The following SLC41A2 variants were observed in gnomAD, a reference collection of about 807,000 sequenced individuals.
SLC41A2 encodes the protein SLC41A1-like 1.
A neutral mutation model predicts 58.3 loss-of-function variants in SLC41A2; 32 were observed. The observed-to-expected ratio is 0.55, with a 90% CI of 0.41 to 0.74. The LOEUF (loss-of-function observed/expected upper bound fraction) is 0.74. Among genes scored for constraint, SLC41A2 ranks in the 30% least tolerant of loss-of-function variants. The pLI is 0.00. For synonymous variants in SLC41A2, 190 were observed against 235.0 expected (o/e 0.81, Z 1.75); for missense variants, 514 against 680.6 (o/e 0.76, Z 2.72).
At chr12:104,875,711 T>C (rs1033542454) in intron 6 of SLC41A2, among the ~76,000 whole-genome samples, 5 of 152,178 alleles carry the variant, frequency 3.3e-5, no homozygotes, top group African/African-American at 1.2e-4. Context: ...GAGGACTGCT[T>C]GAGCCAAGGA....
At chr12:104,807,788 A>G (rs1157102301) in intron 10 of SLC41A2, among the ~76,000 whole-genome samples, 4 of 152,104 alleles carry the variant, frequency 2.6e-5, no homozygotes, top group Admixed American at 6.6e-5. Flanking sequence ...CACGTCCCTT[A>G]TAAGTTGGAT....
intron 5 of SLC41A2, among the ~76,000 whole-genome samples, chr12:104,886,744 T>C (rs1353561248): frequency 6.6e-6 from 1 of 152,012 alleles, no homozygotes; most frequent in Non-Finnish European, 1.5e-5. Context: ...ATATAATGTA[T>C]TTGTGTGTAT....
intron 1 of SLC41A2, among the ~76,000 whole-genome samples, chr12:104,943,804 C>A (rs1014151062): frequency 1.3e-5 from 2 of 151,820 alleles, no homozygotes; most frequent in East Asian, 1.9e-4. Context: ...CCTTTAAACA[C>A]GGGGCTTGCA....
chr12:104,903,135 T>C (rs1443799584), intron 3 of SLC41A2, among the ~76,000 whole-genome samples: 2 of 152,170 alleles, frequency 1.3e-5, no homozygotes, highest in Admixed American at 6.5e-5. Context: ...AATTCTGGAC[T>C]CCAACCACCT....
At chr12:104,809,153 C>T (rs906082158) in intron 10 of SLC41A2, among the ~76,000 whole-genome samples, 11 of 152,204 alleles carry the variant, frequency 7.2e-5, no homozygotes, top group Non-Finnish European at 1.3e-4. Context: ...CTAAATAATT[C>T]AGTGCCTGGC....
At chr12:104,882,087 T>C (rs1337205178) in intron 6 of SLC41A2, among the ~76,000 whole-genome samples, 3 of 152,194 alleles carry the variant, frequency 2.0e-5, no homozygotes, top group Admixed American at 6.5e-5. Flanking sequence ...CTTTGTCTCT[T>C]TTGATTTTTG....
At chr12:104,915,405 G>A (rs182037508) in intron 2 of SLC41A2, among the ~76,000 whole-genome samples, 50 of 152,314 alleles carry the variant, frequency 3.3e-4, no homozygotes, top group African/African-American at 1.2e-3. Flanking sequence ...CATGAGCATG[G>A]AATGTTCTTC....
intron 1 of SLC41A2, among the ~76,000 whole-genome samples, chr12:104,942,036 G>A (rs958833134): frequency 3.3e-5 from 5 of 152,070 alleles, no homozygotes; most frequent in Non-Finnish European, 7.4e-5. Context: ...GGCAAACAAG[G>A]TGAATTAGAG....
At chr12:104,843,759 T>C (rs1362127941) in intron 10 of SLC41A2, among the ~76,000 whole-genome samples, 1 of 152,180 alleles carries the variant, frequency 6.6e-6, no homozygotes, top group African/African-American at 2.4e-5. Context: ...TTGCTTTGTA[T>C]GTATCCCACT....
At chr12:104,917,627 A>G (rs2046386950) in intron 2 of SLC41A2, among the ~76,000 whole-genome samples, 1 of 151,694 alleles carries the variant, frequency 6.6e-6, no homozygotes, top group Non-Finnish European at 1.5e-5. Flanking sequence ...CATATACACC[A>G]TGGAATACTA....
chr12:104,904,730 T>G (rs1001374312), intron 3 of SLC41A2, among the ~76,000 whole-genome samples: 8 of 152,006 alleles, frequency 5.3e-5, no homozygotes, highest in African/African-American at 1.9e-4. Context: ...GCGATGAGTG[T>G]TAACAGCTCT....
chr12:104,860,448 C>T (rs1188184236), intron 8 of SLC41A2, among the ~76,000 whole-genome samples: 6 of 150,280 alleles, frequency 4.0e-5, no homozygotes, highest in African/African-American at 1.2e-4. Flanking sequence ...AGCCGGTAGA[C>T]TGGATTAAAA....
intron 1 of SLC41A2, among the ~76,000 whole-genome samples, chr12:104,935,940 G>A (rs1031467032): frequency 6.6e-6 from 1 of 152,076 alleles, no homozygotes; most frequent in Non-Finnish European, 1.5e-5. Context: ...CTACTCGGGA[G>A]GCTGAACCAT....
chr12:104,934,073 A>C (rs2047171630), intron 1 of SLC41A2, among the ~76,000 whole-genome samples: 1 of 152,216 alleles, frequency 6.6e-6, no homozygotes, highest in Non-Finnish European at 1.5e-5. Context: ...ACTAAAAAAA[A>C]AAAATTGTTT....
intron 10 of SLC41A2, among the ~76,000 whole-genome samples, chr12:104,810,861 A>G (rs1261095680): frequency 6.6e-6 from 1 of 152,220 alleles, no homozygotes; most frequent in African/African-American, 2.4e-5. Flanking sequence ...TCAGGCTCAA[A>G]TTCACAGAGT....
In SLC41A2 at chr12:104,928,622, G is replaced by A. The variant is rs2046943358; in HGVS notation, c.-95C>T. 2 of 643,452 alleles carry A rather than the reference G, an allele frequency of 3.1e-6. No individual in the cohort carries two copies. The highest frequency in any genetic ancestry group is 4.7e-6 in the Non-Finnish European group (2 of 425,800). The allele number at this position is 643,452 out of a possible 1,614,324, so 39.9% of individuals were successfully genotyped here. ...CCGCACAAACACTGGTTTAAATTAA[G>A]TTGTTGACTTCATTGTGTAGAAAAT... On this transcript the variant is annotated 5_prime_UTR_variant, in exon 2 of 11. Transcript: ENST00000258538.
chr12:104,932,494 G>A (rs573857272), intron 1 of SLC41A2, among the ~76,000 whole-genome samples: 57 of 151,868 alleles, frequency 3.8e-4, no homozygotes, highest in African/African-American at 1.2e-3. Flanking sequence ...GCATGATGGC[G>A]TGCACCTGTA....
At chr12:104,808,005 C>A (rs1003506895) in intron 10 of SLC41A2, among the ~76,000 whole-genome samples, 55 of 152,352 alleles carry the variant, frequency 3.6e-4, no homozygotes, top group Non-Finnish European at 6.8e-4. Flanking sequence ...ATCATGTCAT[C>A]TGCAAACAGG....
Position 104,805,022 on chromosome 12 carries a change from T to C in SLC41A2, c.*130A>G, listed in dbSNP as rs1398567309. The C allele has an allele frequency of 9.7e-6, 7 of 723,900 alleles. No homozygotes were observed. The highest frequency in any genetic ancestry group is 5.8e-5 in the South Asian group (2 of 34,440). The allele number at this position is 723,900 out of a possible 1,614,324, so 44.8% of individuals were successfully genotyped here. ...TTAAAAAAAAATTAAGGCCATTTAA[T>C]TGAATCAGGGCCAACTGAAGATTAC... is the stretch of plus-strand genomic sequence containing the variant. On this transcript the variant is annotated 3_prime_UTR_variant, in exon 11 of 11. Transcript: ENST00000258538.
Sources: gnomAD v4.1 joint callset for allele counts (sites outside exome capture counted in the v4.1 genomes callset) on GRCh38, gnomAD v4.1.1 for gene constraint, MANE v1.5 for transcripts, NCBI Gene and HGNC (gene_info 2026-07-23, HGNC 2026-07-21) for gene names.